The following PIK3CB variants were observed in gnomAD, a reference collection of about 807,000 sequenced individuals.
The protein encoded by PIK3CB is phosphatidylinositol-4,5-bisphosphate 3-kinase catalytic subunit beta.
In PIK3CB, 39 loss-of-function variants were observed where a neutral mutation model predicts 136.8. That is an observed-to-expected ratio of 0.29 (90% CI 0.22 to 0.37). The LOEUF (loss-of-function observed/expected upper bound fraction) is 0.37, where lower values mean the gene tolerates loss of function less well. PIK3CB is among the 10% of genes least tolerant of loss of function. The probability of loss-of-function intolerance (pLI) is 1.00; values close to 1 mark genes in which losing one functional copy is unlikely to be tolerated. For synonymous variants in PIK3CB, 428 were observed against 436.6 expected (o/e 0.98, Z 0.25); for missense variants, 868 against 1,275.4 (o/e 0.68, Z 4.87).
intron 2 of PIK3CB, among the ~76,000 whole-genome samples, chr3:138,779,543 C>T (rs984821193): frequency 2.0e-5 from 3 of 151,832 alleles, no homozygotes; most frequent in Admixed American, 1.3e-4. Flanking sequence ...AGGTGCATGC[C>T]ACCATGCCTG....
rs147925367 is a variant in PIK3CB at position 138,822,955 on chromosome 3, A to AATAT, written c.-122+11736_-122+11739dup. On this transcript the variant is annotated intron_variant, in intron 1 of 23. Coordinates refer to ENST00000674063, the MANE Select transcript of PIK3CB (RefSeq NM_006219.3). Reference sequence around the variant, plus strand: ...ATATATACGAAATATATATACATGAAATATATATATATATATTTGCAGTGG... The same window carrying AATAT: ...ATATATACGAAATATATATACATGAAATATATATATATATATATATTTGCAGTGG... 3.7e-4 allele frequency among the ~76,000 whole-genome samples: 53 copies of AATAT among 143,994 alleles called. 1 individual carries two copies. The highest frequency in any genetic ancestry group is 2.7e-3 in the Admixed American group (38 of 14,010). 94.5% of individuals were successfully genotyped at this position (143,994 alleles called of 152,430 possible).
chr3:138,765,724 C>T (rs1293614791), intron 2 of PIK3CB, among the ~76,000 whole-genome samples: 1 of 150,794 alleles, frequency 6.6e-6, no homozygotes, highest in East Asian at 2.0e-4. Context: ...CTACATGGCA[C>T]ACACCTGTAG....
chr3:138,719,935 T>C (rs1559839680), intron 8 of PIK3CB, among the ~76,000 whole-genome samples: 1 of 152,052 alleles, frequency 6.6e-6, no homozygotes, highest in African/African-American at 2.4e-5. Flanking sequence ...GAAATGTGTA[T>C]GTACAGTGTG....
intron 1 of PIK3CB, among the ~76,000 whole-genome samples, chr3:138,817,047 A>C (rs552683784): frequency 4.9e-5 from 7 of 143,998 alleles, no homozygotes; most frequent in Admixed American, 1.4e-4. Context: ...CTAAAAATAC[A>C]AAAAAAAAAG....
chr3:138,727,929 CT>C (rs1187574049), intron 8 of PIK3CB, among the ~76,000 whole-genome samples: 3 of 152,094 alleles, frequency 2.0e-5, no homozygotes, highest in Non-Finnish European at 4.4e-5. Flanking sequence ...GTGACCTCAG[CT>C]CACTGCAACC....
intron 5 of PIK3CB, among the ~76,000 whole-genome samples, chr3:138,738,775 C>T (rs559088488): frequency 6.6e-6 from 1 of 152,244 alleles, no homozygotes; most frequent in South Asian, 2.1e-4. Flanking sequence ...ATATAAGAAG[C>T]TATCTCCCAA....
At chr3:138,753,005 G>A (rs1015914944) in intron 4 of PIK3CB, among the ~76,000 whole-genome samples, 2 of 152,128 alleles carry the variant, frequency 1.3e-5, no homozygotes, top group Admixed American at 6.6e-5. Context: ...AGATACCAAT[G>A]CCTTGAAGAA....
chr3:138,705,201 A>AC (rs2044354555), intron 11 of PIK3CB, among the ~76,000 whole-genome samples: 1 of 142,300 alleles, frequency 7.0e-6, no homozygotes, highest in East Asian at 2.2e-4. Context: ...AAAAAAAAAA[A>AC]CTTATATTTG....
At chr3:138,753,707 G>A (rs2045514291) in intron 4 of PIK3CB, among the ~76,000 whole-genome samples, 1 of 151,936 alleles carries the variant, frequency 6.6e-6, no homozygotes. Flanking sequence ...TCGGGAGGCT[G>A]AGGTAGGAGG....
At chr3:138,715,865 A>C (rs1281795380) in intron 8 of PIK3CB, among the ~76,000 whole-genome samples, 1 of 151,840 alleles carries the variant, frequency 6.6e-6, no homozygotes, top group African/African-American at 2.4e-5. Context: ...TGACTGACTT[A>C]ATAAATAATA....
intron 4 of PIK3CB, among the ~76,000 whole-genome samples, chr3:138,744,468 C>T (rs1022357704): frequency 7.3e-6 from 1 of 136,952 alleles, no homozygotes; most frequent in East Asian, 2.4e-4. Context: ...CATCTTCACA[C>T]TGAGTAGGCT....
intron 2 of PIK3CB, among the ~76,000 whole-genome samples, chr3:138,795,707 A>G (rs986734771): frequency 1.1e-4 from 17 of 152,342 alleles, no homozygotes; most frequent in African/African-American, 4.1e-4. Context: ...TACCCTAACT[A>G]TAACTCCAGT....
At position 138,729,227 on chromosome 3, in the gene PIK3CB, G is replaced by A. The variant is rs200674300; in HGVS notation, c.1050+4134C>T. ...ACCCGGGAGGCGGAGGTTGCAGTGA[G>A]GTGAGATTGCGCCACTGCACTCCAG... On this transcript the variant is annotated intron_variant, in intron 8 of 23. Coordinates refer to ENST00000674063, the MANE Select transcript of PIK3CB (RefSeq NM_006219.3). 4.9e-4 allele frequency among the ~76,000 whole-genome samples: 75 copies of A among 151,932 alleles called. 2 individuals carry two copies. Among genetic ancestry groups the A allele is most frequent in the East Asian group, 2.7e-3 (14 of 5,154 alleles).
chr3:138,739,646 A>C lies in PIK3CB; in HGVS notation c.622-1760T>G, dbSNP rs115316898. On this transcript the variant is annotated intron_variant, in intron 5 of 23. Coordinates refer to ENST00000674063, the MANE Select transcript of PIK3CB (RefSeq NM_006219.3). ...CCAGGTGCAGTGGATCACACCTATAATCCCAGCATCTTGGGAGGCCGAGGC... is the reference window on the plus strand; with the variant it reads ...CCAGGTGCAGTGGATCACACCTATACTCCCAGCATCTTGGGAGGCCGAGGC... 8.6e-3 allele frequency among the ~76,000 whole-genome samples: 1,304 copies of C among 151,130 alleles called. 27 individuals are homozygous for C. The highest frequency in any genetic ancestry group is 0.029 in the African/African-American group (1,181 of 41,180).
chr3:138,678,033 A>G (rs1266962109), intron 19 of PIK3CB, among the ~76,000 whole-genome samples: 1 of 152,168 alleles, frequency 6.6e-6, no homozygotes, highest in Non-Finnish European at 1.5e-5. Context: ...AGATACTTGT[A>G]AGACTGAGGT....
intron 23 of PIK3CB, among the ~76,000 whole-genome samples, chr3:138,655,875 G>A (rs922596223): frequency 2.0e-5 from 3 of 152,144 alleles, no homozygotes; most frequent in Non-Finnish European, 4.4e-5. Flanking sequence ...CCTGATCTGC[G>A]GTCTTTCAGT....
chr3:138,789,145 A>G (rs1375791930), intron 2 of PIK3CB, among the ~76,000 whole-genome samples: 1 of 151,912 alleles, frequency 6.6e-6, no homozygotes, highest in Non-Finnish European at 1.5e-5. Context: ...ATTAAAGCAT[A>G]TGGCAGGGCG....
Position 138,755,768 on chromosome 3 carries a change from A to C in PIK3CB, c.383T>G (p.Val128Gly). The part of the protein sequence containing the change: ...PGEKLDSKIG[V>G]LIGKGLHEFD... ...TTTTAATTTACCTTTTCCTATAAGG[A>C]CTCCAATTTTTGAGTCTAATTTTTC... The change falls in exon 4 of 24, where the codon GTC (valine) becomes GGC (glycine). Residue 128 changes from valine (V) to glycine (G), a missense_variant. Val to Gly is a moderately radical substitution (Grantham distance 109). This residue lies in a region of PIK3CB where 612 missense variants were observed against 801.1 expected (regional missense o/e 0.76). Transcript: ENST00000674063. The C allele has an allele frequency of 6.4e-7, 1 of 1,560,950 alleles. No individual in the cohort carries two copies. Among genetic ancestry groups the C allele is most frequent in the Non-Finnish European group, 8.8e-7 (1 of 1,132,300 alleles).
At chr3:138,727,914 A>G (rs969534306) in intron 8 of PIK3CB, among the ~76,000 whole-genome samples, 1 of 151,806 alleles carries the variant, frequency 6.6e-6, no homozygotes, top group Non-Finnish European at 1.5e-5. Context: ...CTGGAGTGCA[A>G]TGGTGTGACC....
Sources: gnomAD v4.1 joint callset for allele counts (sites outside exome capture counted in the v4.1 genomes callset) on GRCh38, gnomAD v4.1.1 for gene constraint, gnomAD v4.1.1 regional missense constraint, MANE v1.5 for transcripts, NCBI Gene and HGNC (gene_info 2026-07-23, HGNC 2026-07-21) for gene names.